The following PEX13 variants were observed in gnomAD, a reference collection of about 807,000 sequenced individuals.
PEX13 encodes peroxisome biogenesis factor 13.
Under a neutral mutation model 34.5 loss-of-function variants are expected in PEX13, and 28 were observed. That is an observed-to-expected ratio of 0.81 (90% confidence interval 0.60 to 1.11). The LOEUF is 1.11. PEX13 is among the 50% of genes most tolerant of loss of function. The pLI, the probability that PEX13 is intolerant of heterozygous loss-of-function variation, is 0.00. For missense variants in PEX13, 550 were observed against 491.0 expected, an observed-to-expected ratio of 1.12 and a Z score of -1.13; for synonymous variants, 177 against 175.1, an observed-to-expected ratio of 1.01 and a Z score of -0.09.
At chr2:61,030,697 T>C (rs960271767) in intron 1 of PEX13, among the ~76,000 whole-genome samples, 1 of 152,210 alleles carries the variant, frequency 6.6e-6, no homozygotes, top group Non-Finnish European at 1.5e-5. Flanking sequence ...ATGTATTGAT[T>C]GGTTGATGAA....
At chr2:61,033,061 A>C (rs1680478562) in intron 2 of PEX13, among the ~76,000 whole-genome samples, 1 of 152,218 alleles carries the variant, frequency 6.6e-6, no homozygotes, top group African/African-American at 2.4e-5. Flanking sequence ...TTTTAAGCAG[A>C]CTGTGACATA....
chr2:61,037,497 A>G (rs1234826884), intron 2 of PEX13, among the ~76,000 whole-genome samples: 1 of 152,254 alleles, frequency 6.6e-6, no homozygotes, highest in Non-Finnish European at 1.5e-5. Context: ...TAGAGACTGA[A>G]CAACCTGTTA....
intron 2 of PEX13, among the ~76,000 whole-genome samples, chr2:61,035,022 T>A (rs981560120): frequency 3.3e-5 from 5 of 152,198 alleles, no homozygotes; most frequent in African/African-American, 1.2e-4. Context: ...CTCAAGCAGG[T>A]CCCTGACCCC....
chr2:61,020,098 C>T (rs938195217), intron 1 of PEX13, among the ~76,000 whole-genome samples: 1 of 152,104 alleles, frequency 6.6e-6, no homozygotes, highest in African/African-American at 2.4e-5. Flanking sequence ...CGGTGGCGGG[C>T]ACCTGTAGTC....
At chr2:61,028,088 T>C (rs1359668500) in intron 1 of PEX13, among the ~76,000 whole-genome samples, 3 of 152,222 alleles carry the variant, frequency 2.0e-5, no homozygotes, top group Non-Finnish European at 4.4e-5. Flanking sequence ...ATATTTGTGG[T>C]ACAAAACTGT....
chr2:61,028,140 T>C (rs943025253), intron 1 of PEX13, among the ~76,000 whole-genome samples: 1 of 152,206 alleles, frequency 6.6e-6, no homozygotes, highest in Non-Finnish European at 1.5e-5. Context: ...GAAAGATACA[T>C]TTTAATGGAA....
In PEX13 at chr2:61,018,043, C is replaced by G. The variant is rs1680130507; in HGVS notation, c.92+192C>G. 3 of 1,452,012 alleles carry G rather than the reference C, an allele frequency of 2.1e-6. No individual in the cohort carries two copies. In the East Asian group the frequency reaches 7.4e-5, roughly 36 times the overall value. The allele number at this position is 1,452,012 out of a possible 1,614,324, so 89.9% of individuals were successfully genotyped here. On this transcript the variant is annotated intron_variant, in intron 1 of 3. Coordinates refer to ENST00000295030, the MANE Select transcript of PEX13 (RefSeq NM_002618.4). The stretch of plus-strand genomic sequence containing the variant: ...TTTAGTGTCTCACAGCTGTTTCTGA[C>G]CCGGCAGCTCTAATCAGCAACGTTT...
intron 1 of PEX13, chr2:61,018,351 CA>C: frequency 6.7e-7 from 1 of 1,501,918 alleles, no homozygotes; most frequent in East Asian, 2.5e-5. Context: ...TCTTTTCCAG[CA>C]TAACTCAGCC....
chr2:61,047,118 A>C (rs570250296), intron 3 of PEX13, among the ~76,000 whole-genome samples: 3 of 151,924 alleles, frequency 2.0e-5, no homozygotes, highest in Non-Finnish European at 2.9e-5. Context: ...AAAAAAAACA[A>C]ACCTCTAGAC....
intron 3 of PEX13, 124 bp from the exon 4 acceptor site, chr2:61,048,348 T>C (rs1157265431): frequency 6.6e-6 from 5 of 762,324 alleles, no homozygotes; most frequent in South Asian, 1.5e-5. Context: ...TATATATGCA[T>C]GTACTATTTG....
intron 1 of PEX13, chr2:61,018,729 C>T (rs1457382713): frequency 6.5e-6 from 1 of 153,396 alleles, no homozygotes; most frequent in Non-Finnish European, 1.5e-5. Flanking sequence ...AATGCTTTAA[C>T]ACAGTAACGA....
At chr2:61,034,359 A>G (rs779985644) in intron 2 of PEX13, among the ~76,000 whole-genome samples, 5 of 152,208 alleles carry the variant, frequency 3.3e-5, no homozygotes, top group Non-Finnish European at 5.9e-5. Flanking sequence ...CCAAATAGGA[A>G]CAGCTCCGGT....
At chr2:61,027,655 A>G (rs1680382609) in intron 1 of PEX13, among the ~76,000 whole-genome samples, 1 of 152,180 alleles carries the variant, frequency 6.6e-6, no homozygotes, top group South Asian at 2.1e-4. Context: ...TGATTACAGA[A>G]CCAGAATTGA....
chr2:61,027,834 C>G (rs181854402), intron 1 of PEX13, among the ~76,000 whole-genome samples: 3 of 152,264 alleles, frequency 2.0e-5, no homozygotes, highest in Admixed American at 2.0e-4. Context: ...CCTGAATGCA[C>G]TGCACTATCT....
chr2:61,041,923 G>A (rs1387946847), intron 2 of PEX13, among the ~76,000 whole-genome samples: 1 of 152,206 alleles, frequency 6.6e-6, no homozygotes, highest in African/African-American at 2.4e-5. Flanking sequence ...TTTTATCTGA[G>A]TCAAAAGGAG....
At chr2:61,022,917 G>C (rs1379903204) in intron 1 of PEX13, among the ~76,000 whole-genome samples, 1 of 152,074 alleles carries the variant, frequency 6.6e-6, no homozygotes, top group Non-Finnish European at 1.5e-5. Context: ...TTGCATACAT[G>C]TTCCTAGGTG....
In PEX13 at chr2:61,029,162, G is replaced by A. The variant is rs530041937; in HGVS notation, c.93-2257G>A. Among the ~76,000 whole-genome samples, 5 of 148,086 alleles carry A rather than the reference G, an allele frequency of 3.4e-5. No individual in the cohort carries two copies. The South Asian group carries it at 8.5e-4, about 25-fold the overall frequency. On this transcript the variant is annotated intron_variant, in intron 1 of 3. Coordinates refer to ENST00000295030, the MANE Select transcript of PEX13 (RefSeq NM_002618.4). Reference sequence around the variant, plus strand: ...TCCAAAAAAAAAAAAAAAAGAGGGCGAACTTAAAAGTGGGCAAAGTATCTG... The same window carrying A: ...TCCAAAAAAAAAAAAAAAAGAGGGCAAACTTAAAAGTGGGCAAAGTATCTG...
intron 1 of PEX13, among the ~76,000 whole-genome samples, chr2:61,020,390 G>A (rs775340637): frequency 1.0e-4 from 15 of 146,880 alleles, no homozygotes; most frequent in Non-Finnish European, 2.2e-4. Context: ...GAATGCTATT[G>A]ATTTTTTTTA....
At chr2:61,032,457 A>G (rs1238497174) in intron 2 of PEX13, among the ~76,000 whole-genome samples, 2 of 152,238 alleles carry the variant, frequency 1.3e-5, no homozygotes, top group Admixed American at 1.3e-4. Context: ...GTGATAAGAA[A>G]TATAACAATT....
Sources: gnomAD v4.1 joint callset for allele counts (sites outside exome capture counted in the v4.1 genomes callset) on GRCh38, gnomAD v4.1.1 for gene constraint, MANE v1.5 for transcripts, NCBI Gene and HGNC (gene_info 2026-07-23, HGNC 2026-07-21) for gene names.